Variants in ADAM29 observed in about 807,000 individuals in gnomAD.
The protein encoded by ADAM29 is disintegrin and metalloproteinase domain-containing protein 29.
For missense variants in ADAM29, 969 were observed against 1,001.8 expected, an observed-to-expected ratio of 0.97 and a Z score of 0.44; for synonymous variants, 367 against 342.3, an observed-to-expected ratio of 1.07 and a Z score of -0.80.
At chr4:174,972,548 A>C (rs1746533068) in intron 4 of ADAM29, among the ~76,000 whole-genome samples, 1 of 152,074 alleles carries the variant, frequency 6.6e-6, no homozygotes. Flanking sequence ...GTCTCTTACC[A>C]GTTCTTTGTG....
chr4:174,955,642 T>C lies in ADAM29; in HGVS notation c.-181+18629T>C, dbSNP rs1401024671. On this transcript the variant is annotated intron_variant, in intron 4 of 4. Transcript: ENST00000359240. Reference sequence around the variant, plus strand: ...TCAAAATTTGTTATGCATTGTAAACTGTCCTATTTGTAATTACACTTAAGA... The same window carrying C: ...TCAAAATTTGTTATGCATTGTAAACCGTCCTATTTGTAATTACACTTAAGA... 2.8e-5 allele frequency among the ~76,000 whole-genome samples: 4 copies of C among 141,326 alleles called. No individual in the cohort carries two copies. The South Asian group carries it at 9.3e-4, about 33-fold the overall frequency. The allele number at this position is 141,326 out of a possible 152,430, so 92.7% of individuals were successfully genotyped here.
intron 3 of ADAM29, among the ~76,000 whole-genome samples, chr4:174,932,751 G>C (rs1178577862): frequency 6.6e-6 from 1 of 152,162 alleles, no homozygotes; most frequent in African/African-American, 2.4e-5. Context: ...AGTGAAAAAA[G>C]GGGAAAGTCT....
intron 4 of ADAM29, among the ~76,000 whole-genome samples, chr4:174,942,513 C>T (rs968087630): frequency 5.6e-4 from 85 of 152,166 alleles, no homozygotes; most frequent in African/African-American, 2.0e-3. Context: ...GGGCTTGTCC[C>T]CTCTGAAGCA....
intron 2 of ADAM29, among the ~76,000 whole-genome samples, chr4:174,923,560 T>TATATATATATGG (rs70947473): frequency 6.9e-5 from 8 of 115,892 alleles, no homozygotes; most frequent in African/African-American, 1.4e-4. Context: ...TATATATATA[T>TATATATATATGG]ACACACACAC....
intron 2 of ADAM29, among the ~76,000 whole-genome samples, chr4:174,929,654 T>C (rs1166495938): frequency 2.6e-5 from 4 of 152,056 alleles, no homozygotes; most frequent in Non-Finnish European, 5.9e-5. Context: ...GGAGTTTTTA[T>C]GGGGAGTCCT....
At chr4:174,954,175 T>G (rs1745357416) in intron 4 of ADAM29, among the ~76,000 whole-genome samples, 1 of 152,230 alleles carries the variant, frequency 6.6e-6, no homozygotes, top group Admixed American at 6.5e-5. Context: ...ACCTCTGTAT[T>G]GATCTTAAGA....
chr4:174,966,708 G>A (rs13143836), intron 4 of ADAM29, among the ~76,000 whole-genome samples: 47,127 of 152,018 alleles, frequency 0.31, 8,196 homozygotes, highest in African/African-American at 0.48. Context: ...CCAAGGATTT[G>A]TGGGGCCTGG....
At chr4:174,966,238 G>A (rs188436034) in intron 4 of ADAM29, among the ~76,000 whole-genome samples, 28 of 152,266 alleles carry the variant, frequency 1.8e-4, no homozygotes, top group Admixed American at 3.3e-4. Context: ...TTGATTCACA[G>A]TTGGTTGAAT....
In ADAM29 at chr4:174,976,109, T is replaced by C; in HGVS notation, c.584T>C (p.Ile195Thr). The change falls in exon 5 of 5, where the codon ATC becomes ACC. Residue 195 changes from isoleucine to threonine, a missense_variant. By Grantham distance (89) the Ile-to-Thr change is moderately conservative. Coordinates refer to ENST00000359240, the MANE Select transcript of ADAM29 (RefSeq NM_014269.4). ...QKQSSYVGWW[I>T]HFRIVEIVVV... ...CAAAGTTCTTATGTGGGCTGGTGGATCCATTTTAGGATTGTTGAAATTGTA... is the reference window on the plus strand; with the variant it reads ...CAAAGTTCTTATGTGGGCTGGTGGACCCATTTTAGGATTGTTGAAATTGTA... 1 of 1,612,844 alleles carries C rather than the reference T, an allele frequency of 6.2e-7. No homozygotes were observed. Among genetic ancestry groups the C allele is most frequent in the Non-Finnish European group, 8.5e-7 (1 of 1,179,860 alleles).
intron 2 of ADAM29, among the ~76,000 whole-genome samples, chr4:174,921,185 A>G (rs938689814): frequency 1.3e-5 from 2 of 152,230 alleles, no homozygotes; most frequent in African/African-American, 4.8e-5. Context: ...CACGTTTTTA[A>G]AAACCTGTAT....
chr4:174,977,091 A>G lies in ADAM29; in HGVS notation c.1566A>G (p.Lys522=). The G allele has an allele frequency of 6.2e-7, 1 of 1,614,044 alleles. No individual in the cohort carries two copies. Among genetic ancestry groups the G allele is most frequent in the Non-Finnish European group, 8.5e-7 (1 of 1,179,958 alleles). ...GANTASETCY[K]ELNTLGDRVG... is the part of the protein sequence containing the mutation. ...ATACTGCAAGTGAGACTTGCTACAA[A>G]GAATTGAACACCTTAGGTGACCGTG... Residue 522 remains lysine (K), a synonymous_variant, in exon 5 of 5, where the codon AAA becomes AAG. Transcript: ENST00000359240.
intron 4 of ADAM29, among the ~76,000 whole-genome samples, chr4:174,962,438 G>A (rs901265497): frequency 6.6e-6 from 1 of 151,626 alleles, no homozygotes; most frequent in Non-Finnish European, 1.5e-5. Context: ...CGTGAACCCG[G>A]GAAGCAGAGC....
intron 2 of ADAM29, among the ~76,000 whole-genome samples, chr4:174,922,090 T>G (rs1307576826): frequency 2.0e-5 from 3 of 152,190 alleles, no homozygotes. Context: ...AGTATCAAAA[T>G]TCCTTAAATA....
chr4:174,923,017 A>G (rs903667443), intron 2 of ADAM29, among the ~76,000 whole-genome samples: 18 of 152,076 alleles, frequency 1.2e-4, no homozygotes, highest in Non-Finnish European at 7.4e-5. Context: ...AAGTTACTCA[A>G]GCTCTCCAAA....
chr4:174,941,520 G>A (rs1037978597), intron 4 of ADAM29, among the ~76,000 whole-genome samples: 1 of 152,110 alleles, frequency 6.6e-6, no homozygotes, highest in African/African-American at 2.4e-5. Context: ...GGGAAGCAAG[G>A]CATGTCTCAC....
At chr4:174,967,509 T>G (rs1403600130) in intron 4 of ADAM29, among the ~76,000 whole-genome samples, 1 of 146,212 alleles carries the variant, frequency 6.8e-6, no homozygotes, top group Non-Finnish European at 1.5e-5. Flanking sequence ...TTCACATCCT[T>G]TAAAAATCTG....
In ADAM29 at chr4:174,977,100, C is replaced by A; in HGVS notation, c.1575C>A (p.Asn525Lys). 1 of 1,613,910 alleles carries A rather than the reference C, an allele frequency of 6.2e-7. No individual in the cohort carries two copies. The highest frequency in any genetic ancestry group is 8.5e-7 in the Non-Finnish European group (1 of 1,179,910). Reference sequence around the variant, plus strand: ...GTGAGACTTGCTACAAAGAATTGAACACCTTAGGTGACCGTGTTGGTCACT... The same window carrying A: ...GTGAGACTTGCTACAAAGAATTGAAAACCTTAGGTGACCGTGTTGGTCACT... ...TASETCYKEL[N>K]TLGDRVGHCG... Residue 525 changes from asparagine to lysine, a missense_variant, in exon 5 of 5, where the codon AAC becomes AAA. Coordinates refer to ENST00000359240, the MANE Select transcript of ADAM29 (RefSeq NM_014269.4).
At position 174,942,705 on chromosome 4, in the gene ADAM29, AT is replaced by A. The variant is rs567154138; in HGVS notation, c.-181+5693del. Among the ~76,000 whole-genome samples, 23 of 152,222 alleles carry A rather than the reference AT, an allele frequency of 1.5e-4. No individual in the cohort carries two copies. In the South Asian group the frequency reaches 3.5e-3, roughly 23 times the overall value. ...AGGGGCTGCTGTGAGGATCTCTGAA[AT>A]GCCCTGGAGACATTTTCCCCATTGC... On this transcript the variant is annotated intron_variant, in intron 4 of 4. Transcript: ENST00000359240.
chr4:174,964,266 G>A (rs1746027656), intron 4 of ADAM29, among the ~76,000 whole-genome samples: 1 of 151,806 alleles, frequency 6.6e-6, no homozygotes, highest in African/African-American at 2.4e-5. Context: ...ACACACAAGA[G>A]GCATCAAAGA....
Sources: gnomAD v4.1 joint callset for allele counts (sites outside exome capture counted in the v4.1 genomes callset) on GRCh38, gnomAD v4.1.1 for gene constraint, MANE v1.5 for transcripts, NCBI Gene and HGNC (gene_info 2026-07-23, HGNC 2026-07-21) for gene names.